COX6C: variants seen among roughly 807,000 people sequenced by gnomAD.
COX6C encodes cytochrome c oxidase subunit 6C, also known as cytochrome c oxidase polypeptide VIc.
Under a neutral mutation model 6.9 loss-of-function variants are expected in COX6C, and 3 were observed. The observed-to-expected ratio is 0.43, with a 90% CI of 0.20 to 1.12. The LOEUF is 1.12. COX6C is among the 50% of genes most tolerant of loss of function. COX6C has a pLI of 0.27. For missense variants in COX6C, 101 were observed against 97.3 expected (o/e 1.04, Z -0.16); for synonymous variants, 32 against 32.0 (o/e 1.00, Z 0.00).
chr8:99,891,823 T>C, intron 2 of COX6C, 85 bp downstream of exon 2: 2 of 1,158,854 alleles, frequency 1.7e-6, no homozygotes, highest in South Asian at 1.2e-5. Flanking sequence ...AAGAAACACA[T>C]TACAAGGGGG....
intron 3 of COX6C, 194 bp downstream of exon 3, chr8:99,887,296 G>GT: frequency 2.4e-6 from 1 of 418,366 alleles, no homozygotes; most frequent in Non-Finnish European, 4.3e-6. Context: ...CATCACAAAA[G>GT]TATTGTGCCA....
intron 2 of COX6C, 73 bp from the exon 3 acceptor site, chr8:99,887,691 A>G: frequency 9.9e-7 from 1 of 1,014,512 alleles, no homozygotes; most frequent in Non-Finnish European, 1.4e-6. Flanking sequence ...TAATATATAA[A>G]GACAAGGTAG....
intron 2 of COX6C, among the ~76,000 whole-genome samples, chr8:99,890,675 A>G (rs1818019939): frequency 6.6e-6 from 1 of 152,254 alleles, no homozygotes; most frequent in South Asian, 2.1e-4. Flanking sequence ...AAAGAGTTAT[A>G]AAAGCAAAGC....
At chr8:99,887,336 T>G (rs1475201692) in intron 3 of COX6C, 154 bp downstream of exon 3, 1 of 482,934 alleles carries the variant, frequency 2.1e-6, no homozygotes, top group Non-Finnish European at 3.6e-6. Context: ...AAGATCAAAA[T>G]TCAAAGTATG....
intron 3 of COX6C, among the ~76,000 whole-genome samples, chr8:99,884,788 AAG>A (rs1228144532): frequency 9.2e-5 from 14 of 152,220 alleles, no homozygotes; most frequent in African/African-American, 2.4e-5. Context: ...TAGGCATAGT[AAG>A]AGAGTAGCAA....
intron 2 of COX6C, among the ~76,000 whole-genome samples, chr8:99,889,455 G>A (rs13259066): frequency 0.13 from 19,156 of 150,316 alleles, 1,256 homozygotes; most frequent in Non-Finnish European, 0.14. Context: ...GTGCGAACTC[G>A]GCTCACTGTA....
chr8:99,890,921 T>TA (rs1374530918), intron 2 of COX6C, among the ~76,000 whole-genome samples: 1 of 152,150 alleles, frequency 6.6e-6, no homozygotes, highest in East Asian at 1.9e-4. Flanking sequence ...TTCAAAATAA[T>TA]AAAAAATGCT....
At chr8:99,880,861 G>A (rs1481696377) in intron 3 of COX6C, among the ~76,000 whole-genome samples, 2 of 152,038 alleles carry the variant, frequency 1.3e-5, no homozygotes, top group Non-Finnish European at 2.9e-5. Flanking sequence ...TGTCAATTGA[G>A]AATAATACAT....
intron 3 of COX6C, chr8:99,886,011 C>T (rs564889448): frequency 6.6e-6 from 1 of 152,154 alleles, no homozygotes; most frequent in East Asian, 1.9e-4. Flanking sequence ...TGAAAAGATG[C>T]TCAAGAACAC....
At chr8:99,887,464 T>C (rs771678226) in intron 3 of COX6C, 26 bp downstream of exon 3, 11 of 1,390,162 alleles carry the variant, frequency 7.9e-6, no homozygotes, top group Non-Finnish European at 8.7e-6. Context: ...AATTTTTTTT[T>C]AAGTAACTTC....
chr8:99,892,089 T>A, intron 1 of COX6C, 37 bp from the exon 2 acceptor site: 1 of 1,278,894 alleles, frequency 7.8e-7, no homozygotes, highest in Non-Finnish European at 1.1e-6. Context: ...AGTACAGAGT[T>A]TATTTAAGCC....
At chr8:99,881,412 G>C (rs1817862576) in intron 3 of COX6C, among the ~76,000 whole-genome samples, 1 of 151,422 alleles carries the variant, frequency 6.6e-6, no homozygotes. Flanking sequence ...TCTTTTATAG[G>C]ATTTAAAAGA....
rs906352731 is a variant in COX6C at position 99,878,209 on chromosome 8, A to G, written c.*72T>C. 5 of 152,262 alleles carry G rather than the reference A, an allele frequency of 3.3e-5. No individual in the cohort carries two copies. The highest frequency in any genetic ancestry group is 7.3e-5 in the Non-Finnish European group (5 of 68,046). The allele number at this position is 152,262 out of a possible 1,614,324, so 9.4% of individuals were successfully genotyped here. A position where few individuals can be genotyped will look rare whatever the true frequency, so the allele number is the denominator to read the frequency against. On this transcript the variant is annotated 3_prime_UTR_variant, in exon 4 of 4. Transcript: ENST00000520468. ...TTCTTAGCCCACATATTCATGTGTC[A>G]TAGTTCAGGAACACAAGTCAGTGAC...
intron 3 of COX6C, among the ~76,000 whole-genome samples, chr8:99,883,822 T>G (rs771669876): frequency 4.6e-5 from 7 of 152,116 alleles, no homozygotes; most frequent in Non-Finnish European, 8.8e-5. Flanking sequence ...GTACTATGAT[T>G]AAGTGGGATT....
intron 3 of COX6C, among the ~76,000 whole-genome samples, chr8:99,886,535 G>T (rs1211097186): frequency 6.6e-6 from 1 of 152,142 alleles, no homozygotes; most frequent in African/African-American, 2.4e-5. Context: ...AGAATTGATA[G>T]CAAGGCCTTG....
At position 99,887,575 on chromosome 8, in the gene COX6C, T is replaced by C. The variant is rs370274113; in HGVS notation, c.158A>G (p.Tyr53Cys). Residue 53 changes from tyrosine to cysteine, a missense_variant, in exon 3 of 4, where the codon TAC becomes TGC. Coordinates refer to ENST00000520468, the MANE Select transcript of COX6C (RefSeq NM_004374.4). Reference protein sequence around the residue: ...DQRKKAYADFYRNYDVMKDFE... With the variant: ...DQRKKAYADFCRNYDVMKDFE... ...ATCTTTCATGACATCGTAGTTTCTGTAGAAATCTGCGTATGCCTTCTTTCT... is the reference window on the plus strand; with the variant it reads ...ATCTTTCATGACATCGTAGTTTCTGCAGAAATCTGCGTATGCCTTCTTTCT... 2.0e-5 allele frequency: 32 copies of C among 1,610,766 alleles called. No homozygotes were observed. Among genetic ancestry groups the C allele is most frequent in the South Asian group, 4.4e-5 (4 of 90,224 alleles).
intron 3 of COX6C, among the ~76,000 whole-genome samples, chr8:99,885,239 T>C (rs1029223590): frequency 6.6e-6 from 1 of 152,234 alleles, no homozygotes; most frequent in African/African-American, 2.4e-5. Flanking sequence ...CATTCACCTT[T>C]TATTACTATA....
rs146109237 is a variant in COX6C at position 99,889,681 on chromosome 8, C to T, written c.115-2063G>A. 2.2e-3 allele frequency among the ~76,000 whole-genome samples: 329 copies of T among 151,900 alleles called. 2 individuals carry two copies. The highest frequency in any genetic ancestry group is 3.5e-3 in the Admixed American group (53 of 15,252). On this transcript the variant is annotated intron_variant, in intron 2 of 3. Coordinates refer to ENST00000520468, the MANE Select transcript of COX6C (RefSeq NM_004374.4). ...GGGATAACTGGCATGAGCCACTGTACCTGGCCTCGCCTCCCAATCTTGGCT... is the reference window on the plus strand; with the variant it reads ...GGGATAACTGGCATGAGCCACTGTATCTGGCCTCGCCTCCCAATCTTGGCT...
At chr8:99,880,710 A>C (rs1051054246) in intron 3 of COX6C, among the ~76,000 whole-genome samples, 1 of 152,006 alleles carries the variant, frequency 6.6e-6, no homozygotes, top group African/African-American at 2.4e-5. Context: ...CTATAAAATT[A>C]AATTAAATTT....
Sources: gnomAD v4.1 joint callset for allele counts (sites outside exome capture counted in the v4.1 genomes callset) on GRCh38, gnomAD v4.1.1 for gene constraint, MANE v1.5 for transcripts, NCBI Gene and HGNC (gene_info 2026-07-23, HGNC 2026-07-21) for gene names.